The following OSBP2 variants were observed in gnomAD, a reference collection of about 807,000 sequenced individuals.
OSBP2 encodes the protein oxysterol-binding protein 2.
OSBP2 carries 66 observed loss-of-function variants against 96.0 expected under a neutral mutation model. That is an observed-to-expected ratio of 0.69 (90% confidence interval 0.56 to 0.84). The LOEUF is 0.84. Ranked by LOEUF, OSBP2 falls within the 40% of genes least tolerant of loss-of-function variation. The pLI is 0.00. For missense variants in OSBP2, 1,038 were observed against 1,222.7 expected (o/e 0.85, Z 2.25); for synonymous variants, 525 against 520.9 (o/e 1.01, Z -0.11).
At chr22:30,901,512 A>T (rs2040193169) in intron 12 of OSBP2, among the ~76,000 whole-genome samples, 1 of 152,250 alleles carries the variant, frequency 6.6e-6, no homozygotes, top group East Asian at 1.9e-4. Flanking sequence ...TAGAGCTACA[A>T]TATCTCTGAT....
chr22:30,737,856 G>T (rs11089474), intron 1 of OSBP2, among the ~76,000 whole-genome samples: 21,165 of 151,984 alleles, frequency 0.14, 1,949 homozygotes, highest in Non-Finnish European at 0.21. Context: ...GGGACTACAG[G>T]CATGCAACCA....
At position 30,694,935 on chromosome 22, in the gene OSBP2, G is replaced by A. The variant is rs755081301; in HGVS notation, c.26G>A (p.Arg9Gln). Reference sequence around the variant, plus strand: ...ATGGGGAAAGCGGCGGCTCCGAGCCGAGGCGGCGGCTGTGGCGGCCGCTCC... The same window carrying A: ...ATGGGGAAAGCGGCGGCTCCGAGCCAAGGCGGCGGCTGTGGCGGCCGCTCC... The part of the protein sequence containing the change: MGKAAAPS[R>Q]GGGCGGRSRG... The change falls in exon 1 of 14, where the codon CGA becomes CAA. Residue 9 changes from arginine (R) to glutamine (Q), a missense_variant. By Grantham distance (43) the Arg-to-Gln change is conservative. Transcript: ENST00000332585. 5 of 1,503,384 alleles carry A rather than the reference G, an allele frequency of 3.3e-6. No homozygotes were observed. Among genetic ancestry groups the A allele is most frequent in the East Asian group, 2.7e-5 (1 of 36,886 alleles). 93.1% of individuals were successfully genotyped at this position (1,503,384 alleles called of 1,614,324 possible). A position where few individuals can be genotyped will look rare whatever the true frequency, so the allele number is the denominator to read the frequency against.
chr22:30,854,270 T>C (rs549072397), intron 2 of OSBP2, among the ~76,000 whole-genome samples: 1 of 151,828 alleles, frequency 6.6e-6, no homozygotes, highest in Non-Finnish European at 1.5e-5. Context: ...ACAATACACT[T>C]TGTTTTCTCT....
At chr22:30,748,264 C>T (rs1363643901) in intron 2 of OSBP2, among the ~76,000 whole-genome samples, 1 of 151,986 alleles carries the variant, frequency 6.6e-6, no homozygotes, top group Non-Finnish European at 1.5e-5. Context: ...TCACTGCATG[C>T]AACCTCCGCC....
At chr22:30,738,077 C>T (rs1277502415) in intron 1 of OSBP2, among the ~76,000 whole-genome samples, 1 of 144,256 alleles carries the variant, frequency 6.9e-6, no homozygotes, top group Non-Finnish European at 1.5e-5. Context: ...TTTTCTTTTC[C>T]TTTTTTTTTT....
chr22:30,697,251 T>C (rs1357322600), intron 1 of OSBP2, among the ~76,000 whole-genome samples: 1 of 152,112 alleles, frequency 6.6e-6, no homozygotes, highest in Non-Finnish European at 1.5e-5. Flanking sequence ...TGCTTTTGGG[T>C]TTTAATTGGA....
intron 2 of OSBP2, among the ~76,000 whole-genome samples, chr22:30,766,494 A>C (rs1033512309): frequency 1.3e-5 from 2 of 152,106 alleles, no homozygotes; most frequent in Non-Finnish European, 2.9e-5. Context: ...GTGCTCTTGA[A>C]GTTTTGAGCC....
chr22:30,699,640 A>T (rs1331397479), intron 1 of OSBP2, among the ~76,000 whole-genome samples: 2 of 152,102 alleles, frequency 1.3e-5, no homozygotes, highest in Admixed American at 6.5e-5. Flanking sequence ...CTGCATTTCA[A>T]TTTCCATTAT....
At chr22:30,842,034 C>T (rs2038762915) in intron 2 of OSBP2, among the ~76,000 whole-genome samples, 1 of 152,070 alleles carries the variant, frequency 6.6e-6, no homozygotes, top group South Asian at 2.1e-4. Flanking sequence ...GAGCCTTCAC[C>T]TCCCTGGGCT....
At chr22:30,843,491 T>C (rs12158844) in intron 2 of OSBP2, among the ~76,000 whole-genome samples, 161 of 149,240 alleles carry the variant, frequency 1.1e-3, no homozygotes, top group African/African-American at 3.8e-3. Flanking sequence ...GCTTAAAATA[T>C]TCCATAAGCC....
At chr22:30,814,348 G>A (rs2146964570) in intron 2 of OSBP2, among the ~76,000 whole-genome samples, 1 of 151,242 alleles carries the variant, frequency 6.6e-6, no homozygotes, top group East Asian at 2.0e-4. Context: ...TCCTTCCTTT[G>A]TGTATATGTT....
At chr22:30,694,083 G>T, upstream of OSBP2, 1 of 928,030 alleles carries the variant, frequency 1.1e-6, no homozygotes, top group Non-Finnish European at 1.6e-6. Flanking sequence ...GTAAACCTCT[G>T]CGGAAGCCTC....
chr22:30,816,530 C>A (rs1160081298), intron 2 of OSBP2, among the ~76,000 whole-genome samples: 1 of 152,178 alleles, frequency 6.6e-6, no homozygotes, highest in Non-Finnish European at 1.5e-5. Flanking sequence ...GCAGGCCGCC[C>A]TTTCCAAATG....
At chr22:30,815,412 C>T (rs893670365) in intron 2 of OSBP2, among the ~76,000 whole-genome samples, 1 of 152,182 alleles carries the variant, frequency 6.6e-6, no homozygotes, top group African/African-American at 2.4e-5. Context: ...CCTACTCCTT[C>T]GATATCTTCT....
chr22:30,739,390 A>G (rs998139954), intron 1 of OSBP2, among the ~76,000 whole-genome samples: 8 of 152,180 alleles, frequency 5.3e-5, no homozygotes, highest in South Asian at 2.1e-4. Flanking sequence ...CCAGCAGGAG[A>G]TGCCTCTACG....
chr22:30,815,021 C>T (rs895175355), intron 2 of OSBP2, among the ~76,000 whole-genome samples: 2 of 152,124 alleles, frequency 1.3e-5, no homozygotes, highest in Non-Finnish European at 2.9e-5. Context: ...GTGGCTCACA[C>T]CTGTAATCCC....
chr22:30,889,576 T>G lies in OSBP2; in HGVS notation c.1563T>G (p.Leu521=). The G allele has an allele frequency of 6.2e-7, 1 of 1,614,024 alleles. No homozygotes were observed. Among genetic ancestry groups the G allele is most frequent in the East Asian group, 2.2e-5 (1 of 44,874 alleles). Residue 521 remains leucine, a synonymous_variant, in exon 7 of 14, where the codon CTT becomes CTG. Coordinates refer to ENST00000332585, the MANE Select transcript of OSBP2 (RefSeq NM_030758.4). ...VRIPNKPNYS[L]NLWSIMKNCI... ...TTCCCAACAAGCCCAACTACAGCCT[T>G]AACCTCTGGAGCATCATGAAGAACT...
chr22:30,887,502 A>G lies in OSBP2; in HGVS notation c.1184A>G (p.Gln395Arg). The change falls in exon 4 of 14, where the codon CAG (glutamine) becomes CGG (arginine). Residue 395 changes from glutamine (Q) to arginine (R), a missense_variant. Physicochemically the swap from Gln to Arg is conservative, Grantham distance 43. Coordinates refer to ENST00000332585, the MANE Select transcript of OSBP2 (RefSeq NM_030758.4). Reference protein sequence around the residue: ...WQRALQYEQEQRVHLEETIEQ... With the variant: ...WQRALQYEQERRVHLEETIEQ... ...CGGGCACTGCAGTATGAGCAGGAGCAGCGCGTGCACTTGGAGGAAACCATT... is the reference window on the plus strand; with the variant it reads ...CGGGCACTGCAGTATGAGCAGGAGCGGCGCGTGCACTTGGAGGAAACCATT... 6.2e-7 allele frequency: 1 copy of G among 1,613,814 alleles called. No homozygotes were observed. Among genetic ancestry groups the G allele is most frequent in the Non-Finnish European group, 8.5e-7 (1 of 1,180,022 alleles).
chr22:30,816,661 A>T lies in OSBP2; in HGVS notation c.854-53768A>T, dbSNP rs2091087507. 5.9e-5 allele frequency among the ~76,000 whole-genome samples: 9 copies of T among 152,298 alleles called. No individual in the cohort carries two copies. The South Asian group carries it at 1.9e-3, about 32-fold the overall frequency. On this transcript the variant is annotated intron_variant, in intron 2 of 13. Coordinates refer to ENST00000332585, the MANE Select transcript of OSBP2 (RefSeq NM_030758.4). ...CCCTACCAGCAGAGGGCACGTGTGG[A>T]CAGTCAGGCCTAGGCACCACCCCTA...
Sources: allele counts gnomAD v4.1 joint callset (sites outside exome capture counted in the v4.1 genomes callset), GRCh38; gene constraint gnomAD v4.1.1; transcripts MANE v1.5; gene names NCBI Gene and HGNC (gene_info 2026-07-23, HGNC 2026-07-21).